Variants in R3HCC1L observed in about 807,000 individuals in gnomAD.
The protein encoded by R3HCC1L is coiled-coil domain-containing protein R3HCC1L.
In R3HCC1L, 51 loss-of-function variants were observed where a neutral mutation model predicts 59.9. The ratio of observed to expected loss-of-function variants is 0.85; its 90% CI spans 0.68 to 1.07. The LOEUF (loss-of-function observed/expected upper bound fraction) is 1.07, where lower values mean the gene tolerates loss of function less well. R3HCC1L is among the 50% of genes least tolerant of loss of function. R3HCC1L has a pLI of 0.00. For missense variants in R3HCC1L, 965 were observed against 933.0 expected (o/e 1.03, Z -0.45); for synonymous variants, 322 against 315.2 (o/e 1.02, Z -0.23).
intron 4 of R3HCC1L, among the ~76,000 whole-genome samples, chr10:98,193,560 A>G (rs969607662): frequency 7.9e-5 from 12 of 152,130 alleles, no homozygotes; most frequent in Middle Eastern, 3.2e-3. Context: ...TCGAGGGGAG[A>G]AGGACATACA....
At chr10:98,181,974 A>G (rs1304303638) in intron 4 of R3HCC1L, among the ~76,000 whole-genome samples, 2 of 152,090 alleles carry the variant, frequency 1.3e-5, no homozygotes, top group African/African-American at 4.8e-5. Flanking sequence ...TTTAGCTCGG[A>G]GAAGTTTGTT....
chr10:98,211,290 A>G lies in R3HCC1L; in HGVS notation c.1785+1391A>G, dbSNP rs755229285. The G allele has an allele frequency of 5.5e-5, 80 of 1,457,208 alleles. 2 individuals carry two copies. The South Asian group carries it at 8.9e-4, about 16-fold the overall frequency. 90.3% of individuals were successfully genotyped at this position (1,457,208 alleles called of 1,614,324 possible). A position where few individuals can be genotyped will look rare whatever the true frequency, so the allele number is the denominator to read the frequency against. ...AATTATTTAGCCCAGCAAACTGTCT[A>G]TTTACAACTTTTTCAGGGGATTCTG... On this transcript the variant is annotated intron_variant, in intron 5 of 9. Coordinates refer to ENST00000298999, the MANE Select transcript of R3HCC1L (RefSeq NM_001351015.2).
intron 9 of R3HCC1L, among the ~76,000 whole-genome samples, chr10:98,237,585 A>G (rs1192271692): frequency 1.3e-5 from 2 of 152,210 alleles, no homozygotes; most frequent in African/African-American, 2.4e-5. Context: ...CAGTGATGCA[A>G]TTAAAAATGA....
At chr10:98,136,688 T>A (rs976817334) in intron 1 of R3HCC1L, among the ~76,000 whole-genome samples, 1 of 151,520 alleles carries the variant, frequency 6.6e-6, no homozygotes, top group Non-Finnish European at 1.5e-5. Context: ...GTACAAAAAA[T>A]TAACCAGGTG....
chr10:98,172,334 T>C (rs1848595332), intron 4 of R3HCC1L, among the ~76,000 whole-genome samples: 1 of 152,218 alleles, frequency 6.6e-6, no homozygotes, highest in Admixed American at 6.5e-5. Flanking sequence ...GGGCTTGAGC[T>C]GTTGGAATTC....
In R3HCC1L at chr10:98,172,647, C is replaced by T. The variant is rs78938334; in HGVS notation, c.-15+9250C>T. On this transcript the variant is annotated intron_variant, in intron 4 of 9. Coordinates refer to ENST00000298999, the MANE Select transcript of R3HCC1L (RefSeq NM_001351015.2). ...ATCAGTAGGATGAAATGAGATTTAG[C>T]GGAACAGGCAGCCGTAACTCTGAAA... Among the ~76,000 whole-genome samples, 175 of 152,252 alleles carry T rather than the reference C, an allele frequency of 1.1e-3. 1 individual carries two copies. Among genetic ancestry groups the T allele is most frequent in the African/African-American group, 4.1e-3 (172 of 41,538 alleles).
In R3HCC1L at chr10:98,208,434, A is replaced by G. The variant is rs1376594610; in HGVS notation, c.320A>G (p.Lys107Arg). 6.2e-7 allele frequency: 1 copy of G among 1,614,122 alleles called. No individual in the cohort carries two copies. The highest frequency in any genetic ancestry group is 8.5e-7 in the Non-Finnish European group (1 of 1,180,018). ...CLQKTNRVCS[K>R]RGTTESKEVL... is the part of the protein sequence containing the mutation. ...CAAAAAACAAATAGAGTTTGTTCTA[A>G]GAGAGGAACCACTGAATCCAAAGAA... The change falls in exon 5 of 10, where the codon AAG (lysine) becomes AGG (arginine). Residue 107 changes from lysine to arginine, a missense_variant. Physicochemically the swap from Lys to Arg is conservative, Grantham distance 26. Transcript: ENST00000298999.
chr10:98,168,557 T>G (rs1848191189), intron 4 of R3HCC1L, among the ~76,000 whole-genome samples: 1 of 152,228 alleles, frequency 6.6e-6, no homozygotes, highest in South Asian at 2.1e-4. Flanking sequence ...TTTTGTTGTC[T>G]TGATACTCAG....
intron 5 of R3HCC1L, among the ~76,000 whole-genome samples, chr10:98,213,170 G>C (rs773700630): frequency 6.6e-6 from 1 of 152,120 alleles, no homozygotes; most frequent in African/African-American, 2.4e-5. Flanking sequence ...AGAGAGGAAA[G>C]CCCTTCATAT....
At chr10:98,184,538 T>C (rs922735102) in intron 4 of R3HCC1L, among the ~76,000 whole-genome samples, 5 of 152,204 alleles carry the variant, frequency 3.3e-5, no homozygotes, top group African/African-American at 1.2e-4. Flanking sequence ...TCTGTGTAAG[T>C]ATACTCTGTC....
intron 1 of R3HCC1L, among the ~76,000 whole-genome samples, chr10:98,152,803 C>G (rs1370824424): frequency 1.3e-5 from 2 of 150,908 alleles, no homozygotes; most frequent in Non-Finnish European, 1.5e-5. Flanking sequence ...GCAGCCGCCC[C>G]GTCTGAGAAG....
intron 4 of R3HCC1L, chr10:98,174,870 CG>C (rs1848851001): frequency 1.3e-6 from 1 of 764,810 alleles, no homozygotes; most frequent in Non-Finnish European, 1.6e-6. Context: ...TATTGATGTT[CG>C]TAATGTTATT....
intron 4 of R3HCC1L, among the ~76,000 whole-genome samples, chr10:98,180,971 A>G (rs1033051603): frequency 1.3e-5 from 2 of 152,170 alleles, no homozygotes; most frequent in Non-Finnish European, 2.9e-5. Flanking sequence ...TCTCCTGAAT[A>G]CAGCACACTG....
At chr10:98,156,701 G>T (rs1294760582) in intron 2 of R3HCC1L, among the ~76,000 whole-genome samples, 3 of 152,162 alleles carry the variant, frequency 2.0e-5, no homozygotes, top group Non-Finnish European at 4.4e-5. Context: ...GTTGTTGATT[G>T]GTTGGCACTT....
intron 5 of R3HCC1L, among the ~76,000 whole-genome samples, chr10:98,223,482 C>G (rs1196411643): frequency 6.6e-6 from 1 of 151,440 alleles, no homozygotes; most frequent in East Asian, 1.9e-4. Flanking sequence ...ATCTGTGCAT[C>G]TAGTATAATA....
intron 5 of R3HCC1L, among the ~76,000 whole-genome samples, chr10:98,229,390 A>T (rs1267558577): frequency 6.6e-6 from 1 of 151,888 alleles, no homozygotes; most frequent in Non-Finnish European, 1.5e-5. Context: ...TTTGTCTGTT[A>T]TTGGTGTGTA....
rs182012480 is a variant in R3HCC1L, at chr10:98,236,151, G to C, written c.2256G>C (p.Leu752=). ...KTEREAELKK[L]QEARERKRLE... ...AACGAGAAGCAGAGCTCAAGAAACT[G>C]CAAGAAGCCAGAGGTGAGCTGAAAG... The change falls in exon 9 of 10, where the codon CTG becomes CTC. Residue 752 remains leucine (L), a synonymous_variant. Coordinates refer to ENST00000298999, the MANE Select transcript of R3HCC1L (RefSeq NM_001351015.2). 6.2e-7 allele frequency: 1 copy of C among 1,613,590 alleles called. No homozygotes were observed. The highest frequency in any genetic ancestry group is 1.7e-5 in the Admixed American group (1 of 59,932).
chr10:98,227,454 A>G (rs903361135), intron 5 of R3HCC1L, among the ~76,000 whole-genome samples: 1 of 152,146 alleles, frequency 6.6e-6, no homozygotes, highest in Non-Finnish European at 1.5e-5. Flanking sequence ...GGGAAAAGAG[A>G]CACAGTATTA....
rs1002394635 is a variant in R3HCC1L at position 98,215,983 on chromosome 10, A to G, written c.1785+6084A>G. 1.2e-4 allele frequency among the ~76,000 whole-genome samples: 18 copies of G among 152,204 alleles called. 1 individual carries two copies. The highest frequency in any genetic ancestry group is 7.9e-4 in the Admixed American group (12 of 15,276). On this transcript the variant is annotated intron_variant, in intron 5 of 9. Coordinates refer to ENST00000298999, the MANE Select transcript of R3HCC1L (RefSeq NM_001351015.2). ...TTGGGAGAAGACAGAACATGAGCAG[A>G]AAAAGCATTCCAGGTTGTGAGAACA...
Sources: allele counts gnomAD v4.1 joint callset (sites outside exome capture counted in the v4.1 genomes callset), GRCh38; gene constraint gnomAD v4.1.1; transcripts MANE v1.5; gene names NCBI Gene and HGNC (gene_info 2026-07-23, HGNC 2026-07-21).